MBOAT1: variants seen among roughly 807,000 people sequenced by gnomAD.
The protein encoded by MBOAT1 is membrane-bound glycerophospholipid O-acyltransferase 1.
In MBOAT1, 67 loss-of-function variants were observed where a neutral mutation model predicts 64.4. The observed-to-expected ratio is 1.04, with a 90% CI of 0.85 to 1.27. The LOEUF (loss-of-function observed/expected upper bound fraction) is 1.27. Ranked by LOEUF, MBOAT1 falls within the 50% of genes most tolerant of loss-of-function variation. MBOAT1 has a pLI of 0.00. For missense variants in MBOAT1, 563 were observed against 604.6 expected (o/e 0.93, Z 0.72); for synonymous variants, 229 against 218.9 (o/e 1.05, Z -0.41).
chr6:20,209,899 G>T (rs1561790682), intron 1 of MBOAT1, among the ~76,000 whole-genome samples: 1 of 152,174 alleles, frequency 6.6e-6, no homozygotes, highest in African/African-American at 2.4e-5. Context: ...TTCTCTCTCT[G>T]ATTCTTCATG....
chr6:20,152,640 T>C lies in MBOAT1; in HGVS notation c.229A>G (p.Ile77Val). 4 of 1,610,150 alleles carry C rather than the reference T, an allele frequency of 2.5e-6. No individual in the cohort carries two copies. Among genetic ancestry groups the C allele is most frequent in the Non-Finnish European group, 3.4e-6 (4 of 1,177,616 alleles). ...VATIFGIYFVIFCFGWYSVHL... is the reference protein window; with the variant it reads ...VATIFGIYFVVFCFGWYSVHL... ...CATACTCACCAGCCGAAACAAAAGA[T>C]GACAAAATAGATGCCAAAAATGGTG... Residue 77 changes from isoleucine (I) to valine (V), a missense_variant, in exon 2 of 13, where the codon ATC becomes GTC. Physicochemically the swap from Ile to Val is conservative, Grantham distance 29 (BLOSUM62 3). Transcript: ENST00000324607.
intron 1 of MBOAT1, among the ~76,000 whole-genome samples, chr6:20,160,994 G>A (rs773520264): frequency 3.3e-5 from 5 of 152,100 alleles, no homozygotes; most frequent in Admixed American, 6.5e-5. Context: ...CCAACCCCCC[G>A]GGCCACAGAC....
Position 20,131,384 on chromosome 6 carries a change from G to C in MBOAT1, c.420-185C>G, listed in dbSNP as rs796976834. On this transcript the variant is annotated intron_variant, in intron 4 of 12. Transcript: ENST00000324607. ...CTCCATGCTGTTCTCGTGATAGTGAGTGAGTTCTCACAAGACCTGATGGTT... is the reference window on the plus strand; with the variant it reads ...CTCCATGCTGTTCTCGTGATAGTGACTGAGTTCTCACAAGACCTGATGGTT... Among the ~76,000 whole-genome samples, 18 of 152,326 alleles carry C rather than the reference G, an allele frequency of 1.2e-4. 1 individual carries two copies. The highest frequency in any genetic ancestry group is 4.3e-4 in the African/African-American group (18 of 41,582).
Position 20,197,140 on chromosome 6 carries a change from G to A in MBOAT1, c.99+14996C>T, listed in dbSNP as rs148513285. Among the ~76,000 whole-genome samples, 53 of 151,946 alleles carry A rather than the reference G, an allele frequency of 3.5e-4. No individual in the cohort carries two copies. The East Asian group carries it at 9.7e-3, about 28-fold the overall frequency. On this transcript the variant is annotated intron_variant, in intron 1 of 12. Coordinates refer to ENST00000324607, the MANE Select transcript of MBOAT1 (RefSeq NM_001080480.3). Reference sequence around the variant, plus strand: ...TACAAATTTTTTTTTTTAAATAGATGGGAGTCTCACTATGTTGCTTAGGCT... The same window carrying A: ...TACAAATTTTTTTTTTTAAATAGATAGGAGTCTCACTATGTTGCTTAGGCT...
chr6:20,189,828 C>T (rs1762755129), intron 1 of MBOAT1, among the ~76,000 whole-genome samples: 1 of 152,014 alleles, frequency 6.6e-6, no homozygotes, highest in Admixed American at 6.6e-5. Context: ...CATAATGTCC[C>T]CCAGGTTCAT....
At chr6:20,196,642 C>A (rs1762962171) in intron 1 of MBOAT1, among the ~76,000 whole-genome samples, 1 of 152,130 alleles carries the variant, frequency 6.6e-6, no homozygotes. Context: ...AGGTGGATCA[C>A]CTGAGGTCAG....
intron 1 of MBOAT1, among the ~76,000 whole-genome samples, chr6:20,206,416 T>A (rs1763267942): frequency 6.6e-6 from 1 of 152,164 alleles, no homozygotes; most frequent in East Asian, 1.9e-4. Context: ...TCAGGTGATC[T>A]GGCCGCCTCG....
intron 1 of MBOAT1, among the ~76,000 whole-genome samples, chr6:20,153,897 C>A (rs867622534): frequency 3.3e-5 from 5 of 152,198 alleles, no homozygotes; most frequent in Non-Finnish European, 7.3e-5. Context: ...TTACCCAAAT[C>A]AAATTCCAAA....
chr6:20,156,825 G>A (rs571839290), intron 1 of MBOAT1, among the ~76,000 whole-genome samples: 1 of 152,284 alleles, frequency 6.6e-6, no homozygotes, highest in Admixed American at 6.5e-5. Flanking sequence ...ATCAGCTTAA[G>A]GAGATTTTGG....
At chr6:20,118,111 A>G (rs1184948220) in intron 9 of MBOAT1, among the ~76,000 whole-genome samples, 1 of 152,186 alleles carries the variant, frequency 6.6e-6, no homozygotes, top group Admixed American at 6.5e-5. Flanking sequence ...GTAGAAAGAG[A>G]AGAGAGAGAG....
In MBOAT1 at chr6:20,196,878, C is replaced by CA. The variant is rs1561785179; in HGVS notation, c.99+15257dup. On this transcript the variant is annotated intron_variant, in intron 1 of 12. Coordinates refer to ENST00000324607, the MANE Select transcript of MBOAT1 (RefSeq NM_001080480.3). ...ACTCCATCTCAAAAAAAAAAACAAA[C>CA]AAACAAAAAAAAAACTGAACTGTAC... is the stretch of plus-strand genomic sequence containing the variant. Among the ~76,000 whole-genome samples the CA allele has an allele frequency of 8.0e-4, 120 of 149,182 alleles. 2 individuals carry two copies. The highest frequency in any genetic ancestry group is 2.8e-3 in the African/African-American group (115 of 40,354).
At chr6:20,115,045 A>G (rs1168190646) in intron 10 of MBOAT1, among the ~76,000 whole-genome samples, 1 of 152,172 alleles carries the variant, frequency 6.6e-6, no homozygotes, top group Non-Finnish European at 1.5e-5. Flanking sequence ...AGATTGATGG[A>G]GGATTAAACC....
At chr6:20,206,825 C>T (rs557585538) in intron 1 of MBOAT1, among the ~76,000 whole-genome samples, 40 of 152,264 alleles carry the variant, frequency 2.6e-4, no homozygotes, top group African/African-American at 8.9e-4. Context: ...CACCCTCAGG[C>T]GCACACCCCG....
chr6:20,128,979 G>A (rs1760739354), intron 5 of MBOAT1, among the ~76,000 whole-genome samples: 1 of 152,068 alleles, frequency 6.6e-6, no homozygotes, highest in East Asian at 1.9e-4. Flanking sequence ...GAGAGGGGAA[G>A]GACTCAAAGG....
intron 1 of MBOAT1, among the ~76,000 whole-genome samples, chr6:20,168,495 G>GACAGAGACAGAGACAGAGAC (rs1561772989): frequency 7.7e-6 from 1 of 129,384 alleles, no homozygotes; most frequent in African/African-American, 3.5e-5. Context: ...CAGAGACAGA[G>GACAGAGACAGAGACAGAGAC]AGAGAGAGAG....
At chr6:20,111,334 C>T (rs1015282543) in intron 11 of MBOAT1, among the ~76,000 whole-genome samples, 5 of 152,220 alleles carry the variant, frequency 3.3e-5, no homozygotes, top group African/African-American at 4.8e-5. Flanking sequence ...GGACAGAGAC[C>T]GGGGTCCACC....
intron 12 of MBOAT1, among the ~76,000 whole-genome samples, chr6:20,106,683 A>G (rs1300075117): frequency 6.6e-6 from 1 of 152,146 alleles, no homozygotes; most frequent in Non-Finnish European, 1.5e-5. Flanking sequence ...CTGCCTCCCA[A>G]AGTGCTGGGA....
chr6:20,187,760 G>A (rs2113751496), intron 1 of MBOAT1, among the ~76,000 whole-genome samples: 1 of 152,352 alleles, frequency 6.6e-6, no homozygotes, highest in East Asian at 1.9e-4. Context: ...GGGAGGCCAA[G>A]GCAGGAGGAT....
At chr6:20,110,797 A>G (rs984877966) in intron 11 of MBOAT1, among the ~76,000 whole-genome samples, 3 of 152,130 alleles carry the variant, frequency 2.0e-5, no homozygotes, top group African/African-American at 7.2e-5. Flanking sequence ...CTCCAGTATA[A>G]TTTTAAGTTA....
Sources: allele counts gnomAD v4.1 joint callset (sites outside exome capture counted in the v4.1 genomes callset), GRCh38; gene constraint gnomAD v4.1.1; transcripts MANE v1.5; gene names NCBI Gene and HGNC (gene_info 2026-07-23, HGNC 2026-07-21).